Variants in KCNK10 observed in about 807,000 individuals in gnomAD.
KCNK10 encodes the protein potassium two pore domain channel subfamily K member 10.
In KCNK10, 25 loss-of-function variants were observed where a neutral mutation model predicts 47.7. That is an observed-to-expected ratio of 0.52 (90% CI 0.38 to 0.73). The LOEUF is 0.73. Among genes scored for constraint, KCNK10 ranks in the 30% least tolerant of loss-of-function variants. The pLI, the probability that KCNK10 is intolerant of heterozygous loss-of-function variation, is 0.00. For missense variants in KCNK10, 563 were observed against 714.5 expected, an observed-to-expected ratio of 0.79 and a Z score of 2.42; for synonymous variants, 303 against 285.6, an observed-to-expected ratio of 1.06 and a Z score of -0.61.
Position 88,263,491 on chromosome 14 carries a change from G to A in KCNK10, c.113C>T (p.Pro38Leu), listed in dbSNP as rs764827922. Residue 38 changes from proline to leucine, a missense_variant, in exon 2 of 7, where the codon CCG becomes CTG. Coordinates refer to ENST00000319231, the MANE Select transcript of KCNK10 (RefSeq NM_138317.3). ...QPKSATNGQPPAPAPTPTPRL... is the reference protein window; with the variant it reads ...QPKSATNGQPLAPAPTPTPRL... Reference sequence around the variant, plus strand: ...CGGAGTTGGAGTCGGAGCCGGAGCCGGGGGTTGCCCGTTAGTGGCGCTCTT... The same window carrying A: ...CGGAGTTGGAGTCGGAGCCGGAGCCAGGGGTTGCCCGTTAGTGGCGCTCTT... The A allele has an allele frequency of 1.6e-5, 26 of 1,613,558 alleles. No homozygotes were observed. The highest frequency in any genetic ancestry group is 5.0e-5 in the Admixed American group (3 of 60,014).
upstream of KCNK10, chr14:88,326,583 AACATC>A: frequency 5.6e-6 from 4 of 718,592 alleles, no homozygotes; most frequent in Non-Finnish European, 9.4e-6. Flanking sequence ...AGGAAAACAA[AACATC>A]GTGGCGCAAA....
chr14:88,294,539 C>G (rs1887947543), intron 1 of KCNK10, among the ~76,000 whole-genome samples: 2 of 152,218 alleles, frequency 1.3e-5, no homozygotes, highest in South Asian at 4.1e-4. Context: ...GGGCTGATTT[C>G]TTGGGTACAA....
At position 88,188,051 on chromosome 14, in the gene KCNK10, G is replaced by A. The variant is rs1311672527; in HGVS notation, c.927C>T (p.Ile309=). ...EWYKPLVWFW[I]LVGLAYFAAV... ...CTGCAAAGTAGGCAAGGCCAACAAG[G>A]ATCCAAAACCACACTAGGGGCTTAT... is the stretch of plus-strand genomic sequence containing the variant. The change falls in exon 6 of 7, where the codon ATC becomes ATT. Residue 309 remains isoleucine, a synonymous_variant. Coordinates refer to ENST00000319231, the MANE Select transcript of KCNK10 (RefSeq NM_138317.3). 1 of 1,614,040 alleles carries A rather than the reference G, an allele frequency of 6.2e-7. No homozygotes were observed. Among genetic ancestry groups the A allele is most frequent in the Non-Finnish European group, 8.5e-7 (1 of 1,180,014 alleles).
chr14:88,249,887 C>CA, intron 2 of KCNK10, among the ~76,000 whole-genome samples: 1 of 152,124 alleles, frequency 6.6e-6, no homozygotes, highest in Middle Eastern at 3.4e-3. Flanking sequence ...TCGCTAGAGC[C>CA]AAACATAGCA....
At chr14:88,283,986 T>C (rs1470252230) in intron 1 of KCNK10, among the ~76,000 whole-genome samples, 1 of 152,146 alleles carries the variant, frequency 6.6e-6, no homozygotes, top group Non-Finnish European at 1.5e-5. Flanking sequence ...ACAAATATAT[T>C]AAATATATAT....
intron 2 of KCNK10, among the ~76,000 whole-genome samples, chr14:88,254,083 A>C (rs375874373): frequency 6.6e-6 from 1 of 152,186 alleles, no homozygotes; most frequent in Non-Finnish European, 1.5e-5. Context: ...AGCCCCAGCC[A>C]TGCAGATGAA....
chr14:88,323,185 T>A lies in KCNK10; in HGVS notation c.-387A>T. On this transcript the variant is annotated 5_prime_UTR_variant, in exon 1 of 7. Transcript: ENST00000319231. ...AGGCTGGGGCTACGGAGAAGCCCAC[T>A]GCAGTGTCACTCCAGCCCCCGAAGG... The A allele has an allele frequency of 9.3e-7, 1 of 1,079,502 alleles. No homozygotes were observed. The highest frequency in any genetic ancestry group is 1.1e-6 in the Non-Finnish European group (1 of 886,080). 66.9% of individuals were successfully genotyped at this position (1,079,502 alleles called of 1,614,324 possible).
At chr14:88,292,413 G>A (rs937696118) in intron 1 of KCNK10, among the ~76,000 whole-genome samples, 11 of 152,012 alleles carry the variant, frequency 7.2e-5, no homozygotes, top group Non-Finnish European at 1.5e-4. Flanking sequence ...GCAATGGCGC[G>A]ATCTCGGCTC....
chr14:88,228,866 G>A (rs947334644), intron 3 of KCNK10, among the ~76,000 whole-genome samples: 3 of 152,052 alleles, frequency 2.0e-5, no homozygotes, highest in African/African-American at 7.2e-5. Flanking sequence ...TACTCACCAG[G>A]ATTTTGATTT....
chr14:88,220,396 G>A (rs1280080142), intron 4 of KCNK10, among the ~76,000 whole-genome samples: 1 of 103,480 alleles, frequency 9.7e-6, no homozygotes, highest in African/African-American at 4.0e-5. Flanking sequence ...CAGCCTGGGC[G>A]ACAGAGCGAG....
At chr14:88,242,394 T>C (rs989933811) in intron 2 of KCNK10, among the ~76,000 whole-genome samples, 1 of 152,186 alleles carries the variant, frequency 6.6e-6, no homozygotes, top group Non-Finnish European at 1.5e-5. Flanking sequence ...CTTTTAAATA[T>C]GCAAAAACCA....
chr14:88,310,016 C>T (rs182255858), intron 1 of KCNK10, among the ~76,000 whole-genome samples: 2 of 151,956 alleles, frequency 1.3e-5, no homozygotes, highest in Admixed American at 1.3e-4. Context: ...GTTCTGTTCT[C>T]TCTTGGTCCA....
At chr14:88,310,149 AT>A (rs1566721385) in intron 1 of KCNK10, among the ~76,000 whole-genome samples, 25 of 28,310 alleles carry the variant, frequency 8.8e-4, no homozygotes, top group Non-Finnish European at 4.4e-4. Flanking sequence ...TTTAATCCAT[AT>A]CTCTCTCATA....
rs1884363056 is a variant in KCNK10, at chr14:88,181,658, A to ACCCC, written c.*3876_*3877insGGGG. 1 of 152,302 alleles carries ACCCC rather than the reference A, an allele frequency of 6.6e-6. No homozygotes were observed. The highest frequency in any genetic ancestry group is 1.5e-5 in the Non-Finnish European group (1 of 68,046). The allele number at this position is 152,302 out of a possible 1,614,324, so 9.4% of individuals were successfully genotyped here. On this transcript the variant is annotated 3_prime_UTR_variant, in exon 7 of 7. Transcript: ENST00000319231. ...CACAGGGCATGATCCGAATTTGGAC[A>ACCCC]CCAGTCTCCCAAGTACATCTGGTCT...
intron 4 of KCNK10, among the ~76,000 whole-genome samples, chr14:88,209,171 C>T (rs866214451): frequency 1.3e-5 from 2 of 152,168 alleles, no homozygotes; most frequent in Non-Finnish European, 2.9e-5. Context: ...GGCTTCTTTT[C>T]GGAGGAAACT....
chr14:88,188,636 T>G (rs2013969), intron 5 of KCNK10, among the ~76,000 whole-genome samples: 3,371 of 152,286 alleles, frequency 0.022, 117 homozygotes, highest in African/African-American at 0.075. Flanking sequence ...ATGCAAGCAA[T>G]AGTGATTTAA....
chr14:88,214,814 C>T (rs914347355), intron 4 of KCNK10, among the ~76,000 whole-genome samples: 9 of 152,202 alleles, frequency 5.9e-5, no homozygotes, highest in Non-Finnish European at 1.3e-4. Context: ...CAGATGAAGA[C>T]AGGCCCAATA....
chr14:88,317,692 T>A (rs1888456554), intron 1 of KCNK10, among the ~76,000 whole-genome samples: 1 of 152,238 alleles, frequency 6.6e-6, no homozygotes, highest in African/African-American at 2.4e-5. Flanking sequence ...CCTTTCTACA[T>A]CTTGCTTTAT....
intron 1 of KCNK10, among the ~76,000 whole-genome samples, chr14:88,281,727 C>T (rs1263126137): frequency 7.1e-6 from 1 of 141,716 alleles, no homozygotes; most frequent in African/African-American, 2.7e-5. Context: ...TCTCTCTCTC[C>T]ATATATATAT....
Sources: allele counts gnomAD v4.1 joint callset (sites outside exome capture counted in the v4.1 genomes callset), GRCh38; gene constraint gnomAD v4.1.1; transcripts MANE v1.5; gene names NCBI Gene and HGNC (gene_info 2026-07-23, HGNC 2026-07-21).